ADAMTSL4: variants seen among roughly 807,000 people sequenced by gnomAD.
The protein encoded by ADAMTSL4 is ADAMTS-like protein 4.
ADAMTSL4 carries 97 observed loss-of-function variants against 122.8 expected under a neutral mutation model. That is an observed-to-expected ratio of 0.79 (90% CI 0.67 to 0.93). ADAMTSL4 has a LOEUF of 0.93. Ranked by LOEUF, ADAMTSL4 falls within the 40% of genes least tolerant of loss-of-function variation. ADAMTSL4 has a pLI of 0.00. For synonymous variants in ADAMTSL4, 592 were observed against 568.0 expected, an observed-to-expected ratio of 1.04 and a Z score of -0.60; for missense variants, 1,408 against 1,453.5, an observed-to-expected ratio of 0.97 and a Z score of 0.51.
At position 150,560,051 on chromosome 1, in the gene ADAMTSL4, T is replaced by A. The variant is rs764282494; in HGVS notation, c.3089-9T>A. 6.2e-7 allele frequency: 1 copy of A among 1,614,098 alleles called. No homozygotes were observed. Among genetic ancestry groups the A allele is most frequent in the South Asian group, 1.1e-5 (1 of 91,082 alleles). ...CTCTCTTGTGCCCACTGGCCTCCTC[T>A]GTCCCCAGATGATCAATGCAAGGAC... On this transcript the variant is annotated splice_polypyrimidine_tract_variant and intron_variant, in intron 18 of 18. Transcript: ENST00000271643.
At position 150,560,080 on chromosome 1, in the gene ADAMTSL4, T is replaced by G. The variant is rs1480952857; in HGVS notation, c.3109T>G (p.Ser1037Ala). ...QRPDDQCKDS[S>A]PHCPLVVQAR... ...CCCAGATGATCAATGCAAGGACAGC[T>G]CTCCACATTGCCCCCTGGTGGTACA... Residue 1037 changes from serine (S) to alanine (A), a missense_variant, in exon 19 of 19, where the codon TCT (serine) becomes GCT (alanine). By Grantham distance (99) the Ser-to-Ala change is moderately conservative. Coordinates refer to ENST00000271643, the MANE Select transcript of ADAMTSL4 (RefSeq NM_019032.6). 3 of 1,613,936 alleles carry G rather than the reference T, an allele frequency of 1.9e-6. No homozygotes were observed. The highest frequency in any genetic ancestry group is 8.5e-7 in the Non-Finnish European group (1 of 1,180,004).
At position 150,556,806 on chromosome 1, in the gene ADAMTSL4, C is replaced by T; in HGVS notation, c.1749+13C>T. 1.2e-6 allele frequency: 2 copies of T among 1,611,298 alleles called. No individual in the cohort carries two copies. Among genetic ancestry groups the T allele is most frequent in the Non-Finnish European group, 1.7e-6 (2 of 1,179,006 alleles). ...TGTGGATGTCTATGTGAGCCTGGGG[C>T]CAGGGGCAGCTGAATGCTGGGGAGG... On this transcript the variant is annotated intron_variant, in intron 10 of 18. Coordinates refer to ENST00000271643, the MANE Select transcript of ADAMTSL4 (RefSeq NM_019032.6). The surrounding 1 kb of genome is among the most constrained non-coding windows in gnomAD (Gnocchi z 4.1).
rs144635712 is a variant in ADAMTSL4 at position 150,558,491 on chromosome 1, C to T, written c.2401C>T (p.Arg801Trp). 273 of 1,613,638 alleles carry T rather than the reference C, an allele frequency of 1.7e-4. 1 individual carries two copies. The African/African-American group carries it at 2.5e-3, about 15-fold the overall frequency. The change falls in exon 15 of 19, where the codon CGG becomes TGG. Residue 801 changes from arginine to tryptophan, a missense_variant. Transcript: ENST00000271643. ...PWSQCSVRCG[R>W]GQRSRQVRCV... ...CCCTCAGTGCTCCGTGCGGTGCGGC[C>T]GGGGCCAGAGAAGCCGGCAGGTTCG...
Position 150,557,007 on chromosome 1 carries a change from T to G in ADAMTSL4, c.1818T>G (p.Leu606=), listed in dbSNP as rs1672203717. 5.6e-6 allele frequency: 9 copies of G among 1,613,912 alleles called. No individual in the cohort carries two copies. Among genetic ancestry groups the G allele is most frequent in the Non-Finnish European group, 5.9e-6 (7 of 1,180,000 alleles). ...QYVISSPPPI[L]ENPTPEPPVP... ...TCATCTCTTCACCTCCTCCAATCCT[T>G]GAGAACCCCACCCCAGAGCCCCCTG... Residue 606 remains leucine (L), a synonymous_variant, in exon 11 of 19, where the codon CTT becomes CTG. Coordinates refer to ENST00000271643, the MANE Select transcript of ADAMTSL4 (RefSeq NM_019032.6).
intron 2 of ADAMTSL4, 177 bp downstream of exon 2, chr1:150,550,072 C>T: frequency 2.7e-6 from 1 of 365,768 alleles, no homozygotes; most frequent in South Asian, 2.0e-5. Flanking sequence ...AACCACTCTC[C>T]AGCAGGGAGA....
intron 14 of ADAMTSL4, 51 bp from the exon 15 acceptor site, chr1:150,558,422 G>C (rs1451105693): frequency 6.2e-7 from 1 of 1,608,504 alleles, no homozygotes. Context: ...CTGGAAGCTG[G>C]CTGAGAAGGT....
Position 150,552,037 on chromosome 1 carries a change from CATGTAGCCTCTACAG to C in ADAMTSL4, c.-84-164_-84-150del. The C allele has an allele frequency of 1.8e-6, 1 of 563,932 alleles. No homozygotes were observed. The highest frequency in any genetic ancestry group is 3.2e-6 in the Non-Finnish European group (1 of 316,200). The allele number at this position is 563,932 out of a possible 1,614,324, so 34.9% of individuals were successfully genotyped here. On this transcript the variant is annotated intron_variant, in intron 2 of 18. Transcript: ENST00000271643. This position sits in a 1 kb window ranked among gnomAD's most constrained non-coding sequence, Gnocchi z 4.0. ...TGGAGGGCTGAGGTCAGCCCCTGACCATGTAGCCTCTACAGATGGACAAGGCAGTGATCCTCCCTG... is the reference window on the plus strand; with the variant it reads ...TGGAGGGCTGAGGTCAGCCCCTGACCATGGACAAGGCAGTGATCCTCCCTG...
At position 150,556,901 on chromosome 1, in the gene ADAMTSL4, G is replaced by T. The variant is rs2101630789; in HGVS notation, c.1750-38G>T. The T allele has an allele frequency of 1.9e-6, 3 of 1,610,300 alleles. No individual in the cohort carries two copies. The highest frequency in any genetic ancestry group is 2.5e-6 in the Non-Finnish European group (3 of 1,176,640). ...AGAGAGCTGGTGGCATCCTCTTCTG[G>T]CCACCCCCACATATTCATTATCTTC... On this transcript the variant is annotated intron_variant, in intron 10 of 18. Coordinates refer to ENST00000271643, the MANE Select transcript of ADAMTSL4 (RefSeq NM_019032.6). The surrounding 1 kb of genome is among the most constrained non-coding windows in gnomAD (Gnocchi z 4.1).
Position 150,556,038 on chromosome 1 carries a change from GT to G in ADAMTSL4, c.1372-119del. The G allele has an allele frequency of 9.7e-7, 1 of 1,027,540 alleles. No individual in the cohort carries two copies. The highest frequency in any genetic ancestry group is 1.5e-6 in the Non-Finnish European group (1 of 678,008). 63.7% of individuals were successfully genotyped at this position (1,027,540 alleles called of 1,614,324 possible). A position where few individuals can be genotyped will look rare whatever the true frequency, so the allele number is the denominator to read the frequency against. ...GGGTCTGGCTGGGGATGGTGGGGCT[GT>G]TTTTGTGCTCTCACTTGTGGCACAA... On this transcript the variant is annotated intron_variant, in intron 8 of 18. Coordinates refer to ENST00000271643, the MANE Select transcript of ADAMTSL4 (RefSeq NM_019032.6). The surrounding 1 kb of genome is among the most constrained non-coding windows in gnomAD (Gnocchi z 4.1).
chr1:150,555,451 A>C lies in ADAMTSL4; in HGVS notation c.1257A>C (p.Glu419Asp). ...TAGTCCAGGGCTCCCAGCGCTGTGA[A>C]CTGAACTGCCGGCCCCGTGGCTTCC... ...FTEVQGSQRC[E>D]LNCRPRGFRF... is the part of the protein sequence containing the mutation. Residue 419 changes from glutamate (E) to aspartate (D), a missense_variant, in exon 8 of 19, where the codon GAA (glutamate) becomes GAC (aspartate). By Grantham distance (45) the Glu-to-Asp change is conservative (BLOSUM62 2). Transcript: ENST00000271643. The C allele has an allele frequency of 6.2e-7, 1 of 1,614,130 alleles. No individual in the cohort carries two copies. Among genetic ancestry groups the C allele is most frequent in the Non-Finnish European group, 8.5e-7 (1 of 1,179,996 alleles).
chr1:150,549,653 C>A lies in ADAMTSL4; in HGVS notation c.-159+154C>A, dbSNP rs1318881949. 6.6e-5 allele frequency among the ~76,000 whole-genome samples: 10 copies of A among 152,194 alleles called. No individual in the cohort carries two copies. The highest frequency in any genetic ancestry group is 6.5e-4 in the Admixed American group (10 of 15,284). ...CCCAGCTCCGGTGGCCTCGGACAAT[C>A]TTCCAGCCCCTGGGGTCGAATTCCT... is the stretch of plus-strand genomic sequence containing the variant. On this transcript the variant is annotated intron_variant, in intron 1 of 18. Transcript: ENST00000271643. This position sits in a 1 kb window ranked among gnomAD's most constrained non-coding sequence, Gnocchi z 5.0.
rs775033921 is a variant in ADAMTSL4 at position 150,552,600 on chromosome 1, G to A, written c.78G>A (p.Glu26=). 1.9e-5 allele frequency: 30 copies of A among 1,613,468 alleles called. No individual in the cohort carries two copies. The highest frequency in any genetic ancestry group is 2.4e-5 in the Non-Finnish European group (28 of 1,179,888). The change falls in exon 4 of 19, where the codon GAG becomes GAA. Residue 26 remains glutamate, a splice_region_variant and synonymous_variant. Coordinates refer to ENST00000271643, the MANE Select transcript of ADAMTSL4 (RefSeq NM_019032.6). This position sits in a 1 kb window ranked among gnomAD's most constrained non-coding sequence, Gnocchi z 4.0. ...TCCCTCAGCTCTGCTTGGATCAGGA[G>A]GTGAGTTCTGGACAAGTGAGCAGCT... ...LSLPQLCLDQ[E]VLSGHSLQTP...
intron 2 of ADAMTSL4, chr1:150,551,688 C>G (rs1439190326): frequency 6.4e-6 from 1 of 155,606 alleles, no homozygotes; most frequent in Admixed American, 6.2e-5. Flanking sequence ...CGCTTGAGGC[C>G]TGGAGTTCAA....
Position 150,552,263 on chromosome 1 carries a change from C to T in ADAMTSL4, c.-26C>T, listed in dbSNP as rs1422669477. Reference sequence around the variant, plus strand: ...TTTTGTGACCAGTCCGCTCCTGCCTCCCCCTGGGGCAGTAGAGGGGGAGCG... The same window carrying T: ...TTTTGTGACCAGTCCGCTCCTGCCTTCCCCTGGGGCAGTAGAGGGGGAGCG... On this transcript the variant is annotated 5_prime_UTR_variant, in exon 3 of 19. Coordinates refer to ENST00000271643, the MANE Select transcript of ADAMTSL4 (RefSeq NM_019032.6). This position sits in a 1 kb window ranked among gnomAD's most constrained non-coding sequence, Gnocchi z 4.0. The T allele has an allele frequency of 1.3e-6, 2 of 1,551,028 alleles. No homozygotes were observed. Among genetic ancestry groups the T allele is most frequent in the Non-Finnish European group, 1.7e-6 (2 of 1,146,402 alleles).
chr1:150,551,032 G>C (rs1004940082), intron 2 of ADAMTSL4: 1 of 456,014 alleles, frequency 2.2e-6, no homozygotes, highest in Non-Finnish European at 4.4e-6. Flanking sequence ...AGTGGGATGA[G>C]GAGCAGGGGT....
rs372955029 is a variant in ADAMTSL4, at chr1:150,552,333, G to T, written c.20+25G>T. On this transcript the variant is annotated intron_variant, in intron 3 of 18. Coordinates refer to ENST00000271643, the MANE Select transcript of ADAMTSL4 (RefSeq NM_019032.6). The surrounding 1 kb of genome is among the most constrained non-coding windows in gnomAD (Gnocchi z 4.0). The stretch of plus-strand genomic sequence containing the variant: ...GGTGAGAGAAGGGGCCACGGGTTGG[G>T]GGGGAGGAAAAGGGGAGGTGCTGGG... 2.0e-5 allele frequency: 31 copies of T among 1,554,826 alleles called. No homozygotes were observed. The highest frequency in any genetic ancestry group is 7.2e-5 in the East Asian group (3 of 41,638).
At position 150,557,643 on chromosome 1, in the gene ADAMTSL4, CG is replaced by C; in HGVS notation, c.2177+24del. 1 of 1,594,368 alleles carries C rather than the reference CG, an allele frequency of 6.3e-7. No individual in the cohort carries two copies. The highest frequency in any genetic ancestry group is 1.1e-5 in the South Asian group (1 of 88,904). ...CCCATAGTGAGTATGGGGGAGCCCA[CG>C]GGGAGGGTTAGGGTACTGGAAACAC... On this transcript the variant is annotated intron_variant, in intron 13 of 18. Coordinates refer to ENST00000271643, the MANE Select transcript of ADAMTSL4 (RefSeq NM_019032.6).
chr1:150,556,277 G>A lies in ADAMTSL4; in HGVS notation c.1487G>A (p.Gly496Asp). 2 of 1,614,158 alleles carry A rather than the reference G, an allele frequency of 1.2e-6. No homozygotes were observed. Among genetic ancestry groups the A allele is most frequent in the East Asian group, 2.2e-5 (1 of 44,886 alleles). Reference sequence around the variant, plus strand: ...TCGGGGAACCTCACTGACCGAGGGGGCCCCCTGGGCTATCAGAAGATCTTG... The same window carrying A: ...TCGGGGAACCTCACTGACCGAGGGGACCCCCTGGGCTATCAGAAGATCTTG... ...LVSGNLTDRG[G>D]PLGYQKILWI... Residue 496 changes from glycine to aspartate, a missense_variant, in exon 9 of 19, where the codon GGC becomes GAC. Transcript: ENST00000271643. The surrounding 1 kb of genome is among the most constrained non-coding windows in gnomAD (Gnocchi z 4.1).
chr1:150,558,266 T>C (rs971668941), intron 14 of ADAMTSL4, 117 bp downstream of exon 14: 3 of 1,553,410 alleles, frequency 1.9e-6, no homozygotes, highest in African/African-American at 2.7e-5. Context: ...GGGTTTCATA[T>C]GGACCCCCAA....
Sources: allele counts gnomAD v4.1 joint callset (sites outside exome capture counted in the v4.1 genomes callset), GRCh38; gene constraint gnomAD v4.1.1; non-coding constraint Gnocchi (gnomAD v3.1); transcripts MANE v1.5; gene names NCBI Gene and HGNC (gene_info 2026-07-23, HGNC 2026-07-21).